SATB2: variants seen among roughly 807,000 people sequenced by gnomAD.
SATB2 encodes the protein DNA-binding protein SATB2.
SATB2 carries 1 observed loss-of-function variant against 73.4 expected under a neutral mutation model. The ratio of observed to expected loss-of-function variants is 0.01; its 90% CI spans 0.00 to 0.06. The LOEUF is 0.06. Among genes scored for constraint, SATB2 ranks in the 10% least tolerant of loss-of-function variants. The probability of loss-of-function intolerance (pLI) is 1.00; values close to 1 mark genes in which losing one functional copy is unlikely to be tolerated. For synonymous variants in SATB2, 397 were observed against 367.0 expected, an observed-to-expected ratio of 1.08 and a Z score of -0.93; for missense variants, 459 against 945.8, an observed-to-expected ratio of 0.49 and a Z score of 6.75.
At chr2:199,361,356 C>A (rs1385243039) in intron 6 of SATB2, among the ~76,000 whole-genome samples, 2 of 151,964 alleles carry the variant, frequency 1.3e-5, no homozygotes, top group East Asian at 3.9e-4. Flanking sequence ...TCATGGCTCT[C>A]CTCTGCTTGA....
chr2:199,439,476 G>A (rs1373804819), intron 2 of SATB2, among the ~76,000 whole-genome samples: 1 of 152,224 alleles, frequency 6.6e-6, no homozygotes, highest in Non-Finnish European at 1.5e-5. Flanking sequence ...GTAGGGCAAA[G>A]CCTTGCATAT....
rs191263653 is a variant in SATB2, at chr2:199,394,071, C to A, written c.347-12251G>T. Among the ~76,000 whole-genome samples the A allele has an allele frequency of 2.0e-4, 31 of 152,254 alleles. No homozygotes were observed. In the East Asian group the frequency reaches 5.0e-3, roughly 25 times the overall value. On this transcript the variant is annotated intron_variant, in intron 3 of 10. Coordinates refer to ENST00000417098, the MANE Select transcript of SATB2 (RefSeq NM_001172509.2). ...TATTAAAGAGTAACTTTCCCCAGGA[C>A]ACTTTTATGTTAATGAAAGACAATA...
intron 10 of SATB2, among the ~76,000 whole-genome samples, chr2:199,304,325 C>T (rs1687370753): frequency 6.6e-6 from 1 of 152,134 alleles, no homozygotes; most frequent in African/African-American, 2.4e-5. Context: ...TGTTTCCAAC[C>T]TTTCGGGGTG....
chr2:199,367,440 CAGAAA>C (rs1689319207), intron 6 of SATB2, among the ~76,000 whole-genome samples: 1 of 152,060 alleles, frequency 6.6e-6, no homozygotes, highest in Non-Finnish European at 1.5e-5. Context: ...CCTTTGTGAT[CAGAAA>C]TGTGCTGCCA....
At chr2:199,440,590 C>G (rs975608799) in intron 2 of SATB2, among the ~76,000 whole-genome samples, 1 of 152,200 alleles carries the variant, frequency 6.6e-6, no homozygotes, top group Non-Finnish European at 1.5e-5. Context: ...GAGCCACCCA[C>G]AGGTCCACAG....
At chr2:199,287,084 T>C (rs13415419) in intron 10 of SATB2, among the ~76,000 whole-genome samples, 1 of 152,036 alleles carries the variant, frequency 6.6e-6, no homozygotes, top group African/African-American at 2.4e-5. Flanking sequence ...GTGCAAAGGG[T>C]TCAGATTAAG....
Position 199,348,639 on chromosome 2 carries a change from T to C in SATB2, c.1173+62A>G, listed in dbSNP as rs755752288. The stretch of plus-strand genomic sequence containing the variant: ...CTTTTTAAAGAGATAAAAATAATTA[T>C]AACCTATCTCAATTCTGTCCCCAGT... On this transcript the variant is annotated intron_variant, in intron 7 of 10. Transcript: ENST00000417098. The C allele has an allele frequency of 5.6e-6, 7 of 1,256,238 alleles. No individual in the cohort carries two copies. In the African/African-American group the frequency reaches 7.5e-5, roughly 13 times the overall value. The allele number at this position is 1,256,238 out of a possible 1,614,324, so 77.8% of individuals were successfully genotyped here. A position where few individuals can be genotyped will look rare whatever the true frequency, so the allele number is the denominator to read the frequency against.
chr2:199,310,702 G>A (rs935405054), intron 9 of SATB2, among the ~76,000 whole-genome samples: 7 of 152,138 alleles, frequency 4.6e-5, no homozygotes, highest in Non-Finnish European at 8.8e-5. Flanking sequence ...ACATCTCCCA[G>A]GGGAGGCAAG....
At chr2:199,360,347 T>C (rs1241868885) in intron 6 of SATB2, among the ~76,000 whole-genome samples, 1 of 152,124 alleles carries the variant, frequency 6.6e-6, no homozygotes. Context: ...CAAATGGAAA[T>C]CTGAAACTAG....
intron 3 of SATB2, among the ~76,000 whole-genome samples, chr2:199,419,038 C>T (rs535777989): frequency 6.6e-6 from 1 of 152,346 alleles, no homozygotes; most frequent in African/African-American, 2.4e-5. Flanking sequence ...CTCTCTCCCA[C>T]ACAGACAACC....
At chr2:199,386,459 G>C (rs1689935754) in intron 3 of SATB2, among the ~76,000 whole-genome samples, 1 of 152,116 alleles carries the variant, frequency 6.6e-6, no homozygotes, top group African/African-American at 2.4e-5. Flanking sequence ...TCTAAGGAGG[G>C]ATGCAGACCA....
At chr2:199,419,261 TG>T (rs1462888718) in intron 3 of SATB2, among the ~76,000 whole-genome samples, 1 of 152,172 alleles carries the variant, frequency 6.6e-6, no homozygotes, top group Non-Finnish European at 1.5e-5. Flanking sequence ...TTTAGGCCAG[TG>T]GGAAGTAAAA....
chr2:199,310,363 A>T (rs1030777580), intron 9 of SATB2, among the ~76,000 whole-genome samples: 14 of 152,334 alleles, frequency 9.2e-5, no homozygotes, highest in Middle Eastern at 3.4e-3. Context: ...AAAACAAGGT[A>T]TCTTATCATT....
At chr2:199,323,476 T>TATACACACACACAC (rs10653288) in intron 9 of SATB2, among the ~76,000 whole-genome samples, 1 of 142,752 alleles carries the variant, frequency 7.0e-6, no homozygotes, top group Non-Finnish European at 1.5e-5. Context: ...GTTTTGTTCA[T>TATACACACACACAC]ACACACACAC....
At chr2:199,371,362 T>C (rs1689441258) in intron 5 of SATB2, among the ~76,000 whole-genome samples, 2 of 152,178 alleles carry the variant, frequency 1.3e-5, no homozygotes, top group Admixed American at 6.5e-5. Context: ...TAATTAATGA[T>C]ACATAAAGTT....
intron 3 of SATB2, among the ~76,000 whole-genome samples, chr2:199,389,129 T>A (rs918126392): frequency 2.6e-5 from 4 of 152,106 alleles, no homozygotes; most frequent in Admixed American, 2.6e-4. Context: ...CAAAAAGACA[T>A]AAATTGTAGT....
At chr2:199,397,065 T>A (rs1690322616) in intron 3 of SATB2, 1 of 151,320 alleles carries the variant, frequency 6.6e-6, no homozygotes. Flanking sequence ...AGATCACAAA[T>A]GTTTAATTAA....
At chr2:199,381,660 C>A in intron 4 of SATB2, 34 bp downstream of exon 4, 2 of 1,613,382 alleles carry the variant, frequency 1.2e-6, no homozygotes, top group Non-Finnish European at 1.7e-6. Flanking sequence ...GCAGCTCTGA[C>A]AGTAAGGAAA....
intron 2 of SATB2, among the ~76,000 whole-genome samples, chr2:199,438,675 C>T (rs1432915664): frequency 6.6e-6 from 1 of 152,196 alleles, no homozygotes; most frequent in Admixed American, 6.5e-5. Flanking sequence ...GGTGCAGCTG[C>T]AGCAGGGCGT....
Sources: allele counts gnomAD v4.1 joint callset (sites outside exome capture counted in the v4.1 genomes callset), GRCh38; gene constraint gnomAD v4.1.1; transcripts MANE v1.5; gene names NCBI Gene and HGNC (gene_info 2026-07-23, HGNC 2026-07-21).